Variants in CELF1 observed in about 807,000 individuals in gnomAD.
CELF1 encodes the protein 50 kDa nuclear polyadenylated RNA-binding protein.
Under a neutral mutation model 61.8 loss-of-function variants are expected in CELF1, and 10 were observed. The ratio of observed to expected loss-of-function variants is 0.16; its 90% confidence interval spans 0.10 to 0.27. The LOEUF (loss-of-function observed/expected upper bound fraction) is 0.27. Among genes scored for constraint, CELF1 ranks in the 10% least tolerant of loss-of-function variants. The pLI is 1.00. For missense variants in CELF1, 380 were observed against 639.1 expected (o/e 0.59, Z 4.37); for synonymous variants, 236 against 225.1 (o/e 1.05, Z -0.43).
At chr11:47,515,241 T>C (rs1419118310) in intron 1 of CELF1, among the ~76,000 whole-genome samples, 4 of 152,290 alleles carry the variant, frequency 2.6e-5, no homozygotes, top group South Asian at 4.1e-4. Context: ...CAGGGAATGA[T>C]ACACAGAAGT....
intron 1 of CELF1, among the ~76,000 whole-genome samples, chr11:47,527,973 G>A (rs1033515888): frequency 6.6e-5 from 10 of 152,112 alleles, no homozygotes; most frequent in Non-Finnish European, 1.2e-4. Flanking sequence ...GTGCATGCCT[G>A]TAATCCCAGC....
chr11:47,482,608 G>T lies in CELF1; in HGVS notation c.768+87C>A, dbSNP rs2084010841. 7.6e-6 allele frequency: 10 copies of T among 1,308,896 alleles called. No individual in the cohort carries two copies. In the East Asian group the frequency reaches 9.4e-5, roughly 12 times the overall value. 81.1% of individuals were successfully genotyped at this position (1,308,896 alleles called of 1,614,324 possible). On this transcript the variant is annotated intron_variant, in intron 9 of 14. Coordinates refer to ENST00000687097, the MANE Select transcript of CELF1 (RefSeq NM_001376376.1). ...TTTCTATATGCCAAAAGTTGTAAAT[G>T]CCACTGTGTTTGTTGGCTAGGGACA... is the stretch of plus-strand genomic sequence containing the variant.
At chr11:47,492,897 T>C (rs1489149319) in intron 3 of CELF1, among the ~76,000 whole-genome samples, 1 of 152,208 alleles carries the variant, frequency 6.6e-6, no homozygotes, top group East Asian at 1.9e-4. Context: ...GTGCCCAGAA[T>C]ACATTTTGAT....
chr11:47,558,522 T>TGCA (rs2097212964), intron 2 of CELF1, among the ~76,000 whole-genome samples: 1 of 122,710 alleles, frequency 8.1e-6, no homozygotes, highest in African/African-American at 3.3e-5. Context: ...ATAATATATG[T>TGCA]ATATGTATAT....
intron 1 of CELF1, among the ~76,000 whole-genome samples, chr11:47,528,507 T>C (rs1286319001): frequency 2.0e-5 from 3 of 152,088 alleles, no homozygotes; most frequent in African/African-American, 4.8e-5. Flanking sequence ...TACAAGCACT[T>C]TGGGAGGCCG....
At chr11:47,475,551 A>G in intron 12 of CELF1, 30 bp from the exon 13 acceptor site, 2 of 1,606,506 alleles carry the variant, frequency 1.2e-6, no homozygotes, top group Non-Finnish European at 1.7e-6. Flanking sequence ...GGATTAATAT[A>G]CTAGAAAGAC....
At chr11:47,508,440 G>A (rs1451349943) in intron 1 of CELF1, among the ~76,000 whole-genome samples, 3 of 151,822 alleles carry the variant, frequency 2.0e-5, no homozygotes, top group East Asian at 1.9e-4. Context: ...ATCTGGAGTT[G>A]TTAAGAAAGA....
At chr11:47,508,531 C>G (rs909865266) in intron 1 of CELF1, among the ~76,000 whole-genome samples, 9 of 147,188 alleles carry the variant, frequency 6.1e-5, no homozygotes, top group African/African-American at 1.8e-4. Flanking sequence ...AACATTTTAA[C>G]TGCCAGGCCA....
chr11:47,520,685 G>A (rs2095840615), intron 1 of CELF1, among the ~76,000 whole-genome samples: 1 of 152,160 alleles, frequency 6.6e-6, no homozygotes, highest in Non-Finnish European at 1.5e-5. Flanking sequence ...GGCGGCATGT[G>A]CCTGTGGTCC....
intron 9 of CELF1, among the ~76,000 whole-genome samples, chr11:47,480,091 T>TC (rs1210932049): frequency 1.4e-5 from 2 of 145,958 alleles, no homozygotes; most frequent in East Asian, 4.0e-4. Flanking sequence ...CGTCTACACT[T>TC]TTTTTTTTTT....
At chr11:47,522,344 G>A (rs1424388337) in intron 1 of CELF1, among the ~76,000 whole-genome samples, 1 of 150,832 alleles carries the variant, frequency 6.6e-6, no homozygotes, top group African/African-American at 2.4e-5. Context: ...TGGCCAACAT[G>A]GTGAAACCCC....
At chr11:47,545,867 C>CTG (rs761587800) in intron 1 of CELF1, among the ~76,000 whole-genome samples, 7,874 of 121,402 alleles carry the variant, frequency 0.065, 409 homozygotes, top group South Asian at 0.1. Flanking sequence ...GTGTGTGTGT[C>CTG]TGCGTGTGTG....
chr11:47,498,569 T>C (rs1010576566), intron 3 of CELF1, among the ~76,000 whole-genome samples: 3 of 152,244 alleles, frequency 2.0e-5, no homozygotes, highest in African/African-American at 7.2e-5. Flanking sequence ...ACTTGTTATC[T>C]AGAGAATATT....
At chr11:47,472,688 G>A (rs1464449231) in intron 14 of CELF1, among the ~76,000 whole-genome samples, 2 of 152,004 alleles carry the variant, frequency 1.3e-5, no homozygotes, top group African/African-American at 4.8e-5. Flanking sequence ...AAGTAGCTGG[G>A]AACACAGGTA....
chr11:47,545,879 G>C (rs886312078), intron 1 of CELF1, among the ~76,000 whole-genome samples: 1 of 122,126 alleles, frequency 8.2e-6, no homozygotes, highest in African/African-American at 3.4e-5. Flanking sequence ...GCGTGTGTGT[G>C]TGTGTGTGTG....
At chr11:47,489,543 G>A (rs1410480579) in intron 3 of CELF1, among the ~76,000 whole-genome samples, 3 of 152,114 alleles carry the variant, frequency 2.0e-5, no homozygotes. Context: ...TAGAATGCTG[G>A]CCTTTGAATG....
intron 6 of CELF1, among the ~76,000 whole-genome samples, chr11:47,485,991 C>T (rs2153457769): frequency 6.8e-6 from 1 of 147,502 alleles, no homozygotes; most frequent in African/African-American, 2.5e-5. Flanking sequence ...GAAACCCCGT[C>T]TCTACTAAAA....
intron 1 of CELF1, among the ~76,000 whole-genome samples, chr11:47,509,182 G>A (rs562238032): frequency 6.6e-6 from 1 of 152,326 alleles, no homozygotes; most frequent in South Asian, 2.1e-4. Context: ...GAGAAGAGCT[G>A]AATGGAAACT....
chr11:47,514,288 T>C (rs928545689), intron 1 of CELF1, among the ~76,000 whole-genome samples: 3 of 152,090 alleles, frequency 2.0e-5, no homozygotes, highest in Non-Finnish European at 4.4e-5. Context: ...ACCTACTTTT[T>C]TGCACCTAAC....
Sources: allele counts gnomAD v4.1 joint callset (sites outside exome capture counted in the v4.1 genomes callset), GRCh38; gene constraint gnomAD v4.1.1; transcripts MANE v1.5; gene names NCBI Gene and HGNC (gene_info 2026-07-23, HGNC 2026-07-21).